CDH18: variants seen among roughly 807,000 people sequenced by gnomAD.
The protein encoded by CDH18 is cadherin-18.
CDH18 carries 31 observed loss-of-function variants against 67.9 expected under a neutral mutation model. The ratio of observed to expected loss-of-function variants is 0.46; its 90% CI spans 0.34 to 0.62. CDH18 has a LOEUF of 0.62. Among genes scored for constraint, CDH18 ranks in the 20% least tolerant of loss-of-function variants. CDH18 has a pLI of 0.01. For synonymous variants in CDH18, 362 were observed against 347.2 expected (o/e 1.04, Z -0.48); for missense variants, 890 against 975.5 (o/e 0.91, Z 1.17).
intron 12 of CDH18, among the ~76,000 whole-genome samples, chr5:19,474,814 A>C (rs567040254): frequency 6.6e-6 from 1 of 152,218 alleles, no homozygotes; most frequent in Non-Finnish European, 1.5e-5. Context: ...ATTTCCAATA[A>C]TGCTGCAAAC....
intron 1 of CDH18, among the ~76,000 whole-genome samples, chr5:20,517,688 C>G (rs1384638669): frequency 1.3e-5 from 2 of 151,838 alleles, no homozygotes; most frequent in African/African-American, 4.8e-5. Flanking sequence ...ATTACATATA[C>G]CAGAATTCAA....
chr5:20,385,008 T>C (rs1744200588), intron 1 of CDH18, among the ~76,000 whole-genome samples: 1 of 151,992 alleles, frequency 6.6e-6, no homozygotes, highest in African/African-American at 2.4e-5. Flanking sequence ...CGCTAATTTT[T>C]GTATTTTTAG....
At chr5:19,728,877 C>A (rs1461854670) in intron 4 of CDH18, among the ~76,000 whole-genome samples, 1 of 152,080 alleles carries the variant, frequency 6.6e-6, no homozygotes, top group Non-Finnish European at 1.5e-5. Flanking sequence ...AAGAAATAGT[C>A]GTCAAGATAC....
intron 9 of CDH18, among the ~76,000 whole-genome samples, chr5:19,523,565 A>T (rs1317155976): frequency 6.6e-6 from 1 of 151,960 alleles, no homozygotes; most frequent in African/African-American, 2.4e-5. Context: ...TAAAAAATAA[A>T]CATGAAAAAA....
At chr5:20,165,794 AAC>A (rs1736235516) in intron 2 of CDH18, among the ~76,000 whole-genome samples, 1 of 152,188 alleles carries the variant, frequency 6.6e-6, no homozygotes, top group Admixed American at 6.5e-5. Context: ...ATCACATGAT[AAC>A]ACATGTATTA....
intron 5 of CDH18, among the ~76,000 whole-genome samples, chr5:19,705,213 T>C (rs1317309307): frequency 6.6e-6 from 1 of 152,190 alleles, no homozygotes; most frequent in Non-Finnish European, 1.5e-5. Flanking sequence ...TATGATCACT[T>C]GCAAAATTTG....
At chr5:19,984,926 T>G (rs1397381251) in intron 1 of CDH18, among the ~76,000 whole-genome samples, 1 of 152,110 alleles carries the variant, frequency 6.6e-6, no homozygotes, top group Non-Finnish European at 1.5e-5. Flanking sequence ...TCCAAGCATA[T>G]AGAATAACCA....
intron 1 of CDH18, among the ~76,000 whole-genome samples, chr5:20,369,093 A>G (rs1742760983): frequency 6.6e-6 from 1 of 151,974 alleles, no homozygotes; most frequent in Non-Finnish European, 1.5e-5. Context: ...TGCTATGGAA[A>G]CCAAAAAAAG....
intron 3 of CDH18, among the ~76,000 whole-genome samples, chr5:19,833,015 T>C (rs1781230692): frequency 6.6e-6 from 1 of 152,176 alleles, no homozygotes; most frequent in African/African-American, 2.4e-5. Flanking sequence ...GGGGTCTTCT[T>C]TGATTTCATA....
chr5:19,970,516 T>C (rs1797922762), intron 2 of CDH18, among the ~76,000 whole-genome samples: 1 of 151,406 alleles, frequency 6.6e-6, no homozygotes, highest in Non-Finnish European at 1.5e-5. Flanking sequence ...TAAATTGGTA[T>C]ATTATATAGG....
At position 20,441,419 on chromosome 5, in the gene CDH18, G is replaced by C. The variant is rs534400243; in HGVS notation, c.-580+134043C>G. Among the ~76,000 whole-genome samples the C allele has an allele frequency of 5.3e-5, 8 of 151,780 alleles. No individual in the cohort carries two copies. The South Asian group carries it at 1.5e-3, about 28-fold the overall frequency. ...GTAAACTGGTACAGGAATGATGTGT[G>C]TGCGTCTGTGTGTGCCTGTGTGTTT... On this transcript the variant is annotated intron_variant, in intron 1 of 14. Transcript: ENST00000507958.
intron 2 of CDH18, among the ~76,000 whole-genome samples, chr5:20,067,872 T>C (rs987813071): frequency 6.6e-6 from 1 of 152,096 alleles, no homozygotes; most frequent in African/African-American, 2.4e-5. Flanking sequence ...ATTTTTTTTC[T>C]ATTCTTTTCT....
intron 3 of CDH18, among the ~76,000 whole-genome samples, chr5:19,761,478 A>G (rs1772335685): frequency 6.6e-6 from 1 of 152,172 alleles, no homozygotes; most frequent in Non-Finnish European, 1.5e-5. Flanking sequence ...TCTGCAAAGG[A>G]CTATCAGTGT....
chr5:20,286,115 T>A (rs1381344921), intron 1 of CDH18, among the ~76,000 whole-genome samples: 1 of 151,600 alleles, frequency 6.6e-6, no homozygotes, highest in East Asian at 1.9e-4. Flanking sequence ...ATAATTCTCA[T>A]TATTATTATT....
intron 1 of CDH18, among the ~76,000 whole-genome samples, chr5:20,287,196 C>T (rs908912471): frequency 6.6e-6 from 1 of 151,608 alleles, no homozygotes; most frequent in Non-Finnish European, 1.5e-5. Flanking sequence ...TAGAATATTT[C>T]ACTAACCATT....
rs1256610408 is a variant in CDH18, at chr5:20,486,255, A to G, written c.-580+89207T>C. On this transcript the variant is annotated intron_variant, in intron 1 of 14. Coordinates refer to the CDH18 transcript ENST00000507958. ...TCGAAAATATTGAAAAGAGTAAGCG[A>G]TATCTAAGAGCAAAAGGAACATGGT... Among the ~76,000 whole-genome samples, 4 of 152,178 alleles carry G rather than the reference A, an allele frequency of 2.6e-5. No individual in the cohort carries two copies. In the South Asian group the frequency reaches 6.2e-4, roughly 24 times the overall value.
At chr5:20,048,414 T>C (rs1741097432) in intron 2 of CDH18, among the ~76,000 whole-genome samples, 2 of 151,768 alleles carry the variant, frequency 1.3e-5, no homozygotes, top group Non-Finnish European at 1.5e-5. Context: ...TATGGAATAA[T>C]AATATTCATT....
At chr5:20,206,801 T>G (rs950991899) in intron 2 of CDH18, among the ~76,000 whole-genome samples, 9 of 152,008 alleles carry the variant, frequency 5.9e-5, no homozygotes, top group Non-Finnish European at 1.3e-4. Flanking sequence ...TCAGTGTTAC[T>G]TTAATGATAA....
chr5:20,384,178 G>A (rs1744127347), intron 1 of CDH18, among the ~76,000 whole-genome samples: 1 of 152,230 alleles, frequency 6.6e-6, no homozygotes, highest in Non-Finnish European at 1.5e-5. Context: ...TAGGCAAAAT[G>A]TTGCATGACA....
Sources: gnomAD v4.1 joint callset for allele counts (sites outside exome capture counted in the v4.1 genomes callset) on GRCh38, gnomAD v4.1.1 for gene constraint, MANE v1.5 for transcripts, NCBI Gene and HGNC (gene_info 2026-07-23, HGNC 2026-07-21) for gene names.